The following MYO9A variants were observed in gnomAD, a reference collection of about 807,000 sequenced individuals.
MYO9A encodes unconventional myosin-IXa.
A neutral mutation model predicts 293.3 loss-of-function variants in MYO9A; 103 were observed. That is an observed-to-expected ratio of 0.35 (90% CI 0.30 to 0.41). The LOEUF (loss-of-function observed/expected upper bound fraction) is 0.41, where lower values mean the gene tolerates loss of function less well. Among genes scored for constraint, MYO9A ranks in the 10% least tolerant of loss-of-function variants. The probability of loss-of-function intolerance (pLI) is 1.00; values close to 1 mark genes in which losing one functional copy is unlikely to be tolerated. For synonymous variants in MYO9A, 1,001 were observed against 1,035.7 expected (o/e 0.97, Z 0.64); for missense variants, 2,685 against 3,033.0 (o/e 0.89, Z 2.69).
chr15:71,916,476 T>C lies in MYO9A; in HGVS notation c.2579A>G (p.Asn860Ser). 6.2e-7 allele frequency: 1 copy of C among 1,609,254 alleles called. No individual in the cohort carries two copies. The highest frequency in any genetic ancestry group is 8.5e-7 in the Non-Finnish European group (1 of 1,178,752). ...CAGTCTTGTCAGGTGCTTTAAAGAA[T>C]TTACTTCTAGCAAGTGCTGAAAGAA... The part of the protein sequence containing the change: ...PALPKHLLEV[N>S]SLKHLTRLTL... Residue 860 changes from asparagine (N) to serine (S), a missense_variant, in exon 19 of 42, where the codon AAT becomes AGT. This residue lies in a region of MYO9A where 1,434 missense variants were observed against 1,497.7 expected (regional missense o/e 0.96). Transcript: ENST00000356056.
chr15:71,985,006 G>A (rs770414155), intron 11 of MYO9A, among the ~76,000 whole-genome samples: 8 of 152,078 alleles, frequency 5.3e-5, no homozygotes, highest in Admixed American at 1.3e-4. Flanking sequence ...TGCAACCTCC[G>A]CCTCCTGGGT....
chr15:71,826,675 C>T lies in MYO9A; in HGVS notation c.7552G>A (p.Gly2518Arg). 2 of 1,614,034 alleles carry T rather than the reference C, an allele frequency of 1.2e-6. No individual in the cohort carries two copies. The highest frequency in any genetic ancestry group is 1.7e-6 in the Non-Finnish European group (2 of 1,179,954). The change falls in exon 42 of 42, where the codon GGG (glycine) becomes AGG (arginine). Residue 2518 changes from glycine to arginine, a missense_variant. Physicochemically the swap from Gly to Arg is moderately radical, Grantham distance 125 (BLOSUM62 -2). Transcript: ENST00000356056. ...TTTCTGCGGCCAGACATGACTGTCC[C>T]CTCTGGGGTCTCTTTGGTTTTCTGA... Reference protein sequence around the residue: ...SPQKTKETPEGTVMSGRRKTV... With the variant: ...SPQKTKETPERTVMSGRRKTV...
At chr15:71,839,184 A>G (rs2055052749) in intron 39 of MYO9A, among the ~76,000 whole-genome samples, 2 of 152,174 alleles carry the variant, frequency 1.3e-5, no homozygotes, top group Non-Finnish European at 2.9e-5. Flanking sequence ...TTTGCATGAA[A>G]AGGTTTAGCT....
intron 26 of MYO9A, chr15:71,890,361 A>T (rs1261986892): frequency 6.6e-6 from 1 of 152,222 alleles, no homozygotes; most frequent in Non-Finnish European, 1.5e-5. Flanking sequence ...TCATATCCAT[A>T]GAGATGACTG....
chr15:71,988,120 A>T (rs1002454774), intron 11 of MYO9A, among the ~76,000 whole-genome samples: 1 of 152,186 alleles, frequency 6.6e-6, no homozygotes, highest in Non-Finnish European at 1.5e-5. Context: ...AATTTAACCA[A>T]TGTTCTGTTT....
intron 1 of MYO9A, among the ~76,000 whole-genome samples, chr15:72,103,634 G>A (rs1465127868): frequency 6.3e-5 from 1 of 15,914 alleles, no homozygotes; most frequent in Non-Finnish European, 5.2e-4. Context: ...AGCAGAAGAA[G>A]AAACAGAAGA....
intron 19 of MYO9A, among the ~76,000 whole-genome samples, chr15:71,906,127 A>G (rs1427916246): frequency 2.0e-5 from 3 of 152,130 alleles, no homozygotes; most frequent in Non-Finnish European, 4.4e-5. Flanking sequence ...CATATTCTAA[A>G]TATTTGGGGA....
At chr15:71,893,306 C>T in intron 26 of MYO9A, 1 of 648,024 alleles carries the variant, frequency 1.5e-6, no homozygotes, top group Non-Finnish European at 2.2e-6. Flanking sequence ...CCAACCATGC[C>T]CTTTCCACTA....
chr15:71,830,738 G>C (rs1053358051), intron 39 of MYO9A, among the ~76,000 whole-genome samples: 1 of 152,180 alleles, frequency 6.6e-6, no homozygotes, highest in Non-Finnish European at 1.5e-5. Context: ...GACTGGTACA[G>C]ATCTACATTT....
At chr15:72,083,546 G>A (rs749681749) in intron 1 of MYO9A, among the ~76,000 whole-genome samples, 4 of 152,154 alleles carry the variant, frequency 2.6e-5, no homozygotes, top group Non-Finnish European at 2.9e-5. Flanking sequence ...TATGCTGCAA[G>A]TTTGGGGGTT....
intron 2 of MYO9A, among the ~76,000 whole-genome samples, chr15:72,037,927 T>C (rs1297781066): frequency 1.3e-5 from 2 of 151,392 alleles, no homozygotes; most frequent in Non-Finnish European, 3.0e-5. Flanking sequence ...TTTTTTTTTT[T>C]TCTCTGAGAC....
intron 6 of MYO9A, among the ~76,000 whole-genome samples, chr15:72,017,559 A>T (rs1057149740): frequency 6.6e-6 from 1 of 152,228 alleles, no homozygotes; most frequent in African/African-American, 2.4e-5. Flanking sequence ...ATAAATTTAT[A>T]TGTCAAGTGT....
intron 12 of MYO9A, among the ~76,000 whole-genome samples, chr15:71,971,096 G>A (rs2075998138): frequency 6.6e-6 from 1 of 151,812 alleles, no homozygotes. Context: ...GGGAAGCAGA[G>A]CTTGCAGTGA....
intron 18 of MYO9A, among the ~76,000 whole-genome samples, chr15:71,933,395 T>C (rs1450950588): frequency 6.6e-6 from 1 of 152,092 alleles, no homozygotes; most frequent in Admixed American, 6.6e-5. Flanking sequence ...GAAAAGACCT[T>C]ACATAAAGAG....
Position 71,823,352 on chromosome 15 carries a change from A to ACTC in MYO9A, c.*3227_*3228insGAG, listed in dbSNP as rs2054346484. 6.6e-6 allele frequency: 1 copy of ACTC among 152,188 alleles called. No individual in the cohort carries two copies. The highest frequency in any genetic ancestry group is 1.5e-5 in the Non-Finnish European group (1 of 68,042). 9.4% of individuals were successfully genotyped at this position (152,188 alleles called of 1,614,324 possible). ...GAGAAAACAACGCTACTGTTATGAA[A>ACTC]CACAGAATGGAGTCTTCATTAATCT... On this transcript the variant is annotated 3_prime_UTR_variant, in exon 42 of 42. Transcript: ENST00000356056.
intron 18 of MYO9A, among the ~76,000 whole-genome samples, chr15:71,925,607 T>C (rs2058290502): frequency 6.6e-6 from 1 of 152,118 alleles, no homozygotes; most frequent in Admixed American, 6.6e-5. Flanking sequence ...TAAAATCTTG[T>C]ATTTATAATG....
intron 1 of MYO9A, among the ~76,000 whole-genome samples, chr15:72,110,952 G>A (rs1222107410): frequency 3.9e-5 from 6 of 152,214 alleles, no homozygotes; most frequent in Admixed American, 2.6e-4. Flanking sequence ...AAGGTCAGGA[G>A]ATCGAGACCA....
chr15:71,975,910 G>A lies in MYO9A; in HGVS notation c.1844+2261C>T, dbSNP rs963873458. On this transcript the variant is annotated intron_variant, in intron 12 of 41. Transcript: ENST00000356056. ...CTGAACATGTGGGAGTTCCTGGAGGGTGGTACACCCAGGGAGGACATGGAG... is the reference window on the plus strand; with the variant it reads ...CTGAACATGTGGGAGTTCCTGGAGGATGGTACACCCAGGGAGGACATGGAG... 3.0e-4 allele frequency among the ~76,000 whole-genome samples: 45 copies of A among 152,198 alleles called. 1 individual carries two copies. Among genetic ancestry groups the A allele is most frequent in the Admixed American group, 2.9e-3 (45 of 15,276 alleles).
At chr15:71,892,407 G>A (rs1337047812) in intron 26 of MYO9A, 1 of 152,204 alleles carries the variant, frequency 6.6e-6, no homozygotes, top group African/African-American at 2.4e-5. Flanking sequence ...GGCAAAAAAT[G>A]TAAAAGTGCA....
Sources: allele counts gnomAD v4.1 joint callset (sites outside exome capture counted in the v4.1 genomes callset), GRCh38; gene constraint gnomAD v4.1.1; regional missense constraint gnomAD v4.1.1; transcripts MANE v1.5; gene names NCBI Gene and HGNC (gene_info 2026-07-23, HGNC 2026-07-21).